The following TUT7 variants were observed in gnomAD, a reference collection of about 807,000 sequenced individuals.
TUT7 encodes terminal uridylyltransferase 7.
In TUT7, 33 loss-of-function variants were observed where a neutral mutation model predicts 165.9. That is an observed-to-expected ratio of 0.20 (90% CI 0.15 to 0.27). TUT7 has a LOEUF of 0.27. TUT7 is among the 10% of genes least tolerant of loss of function. TUT7 has a pLI of 1.00. For synonymous variants in TUT7, 552 were observed against 608.1 expected (o/e 0.91, Z 1.36); for missense variants, 1,338 against 1,762.3 (o/e 0.76, Z 4.31).
rs199527404 is a variant in TUT7, at chr9:86,323,826, T to G, written c.1924A>C (p.Lys642Gln). 46 of 1,614,080 alleles carry G rather than the reference T, an allele frequency of 2.8e-5. No homozygotes were observed. In the East Asian group the frequency reaches 9.8e-4, roughly 34 times the overall value. Reference sequence around the variant, plus strand: ...ATACATGTAATTGCATTCAGAGGCTTTAGAAGGCTGGATTTTGTAATTTTG... The same window carrying G: ...ATACATGTAATTGCATTCAGAGGCTGTAGAAGGCTGGATTTTGTAATTTTG... Reference protein sequence around the residue: ...PHKITKSSLLKPLNAITCISE... With the variant: ...PHKITKSSLLQPLNAITCISE... Residue 642 changes from lysine to glutamine, a missense_variant, in exon 13 of 27, where the codon AAG becomes CAG. Physicochemically the swap from Lys to Gln is moderately conservative, Grantham distance 53 (BLOSUM62 1). Coordinates refer to ENST00000375963, the MANE Select transcript of TUT7 (RefSeq NM_024617.4).
chr9:86,289,567 G>A (rs1297861329), intron 26 of TUT7, among the ~76,000 whole-genome samples: 1 of 152,020 alleles, frequency 6.6e-6, no homozygotes, highest in African/African-American at 2.4e-5. Flanking sequence ...GAAAGAGTGA[G>A]TAATCCTGTA....
chr9:86,303,034 T>G lies in TUT7; in HGVS notation c.4094+52A>C, dbSNP rs957518582. On this transcript the variant is annotated intron_variant, in intron 25 of 26. Transcript: ENST00000375963. Reference sequence around the variant, plus strand: ...TTATAATAGTACCTCATTTAAAAATTGGGACATTAAGAAAATAAAAACACA... The same window carrying G: ...TTATAATAGTACCTCATTTAAAAATGGGGACATTAAGAAAATAAAAACACA... 7.4e-6 allele frequency: 6 copies of G among 806,994 alleles called. No individual in the cohort carries two copies. In the South Asian group the frequency reaches 9.7e-5, roughly 13 times the overall value. The allele number at this position is 806,994 out of a possible 1,614,324, so 50.0% of individuals were successfully genotyped here. A position where few individuals can be genotyped will look rare whatever the true frequency, so the allele number is the denominator to read the frequency against.
Position 86,343,027 on chromosome 9 carries a change from G to C in TUT7, c.1086+48C>G, listed in dbSNP as rs1831450122. 4 of 1,224,522 alleles carry C rather than the reference G, an allele frequency of 3.3e-6. No individual in the cohort carries two copies. In the East Asian group the frequency reaches 9.6e-5, roughly 29 times the overall value. The allele number at this position is 1,224,522 out of a possible 1,614,324, so 75.9% of individuals were successfully genotyped here. A position where few individuals can be genotyped will look rare whatever the true frequency, so the allele number is the denominator to read the frequency against. ...ATAGACAGTTTACATTTGTAAGAAA[G>C]AATTTCCATACCACTCTGAAAGTGC... On this transcript the variant is annotated intron_variant, in intron 6 of 26. Transcript: ENST00000375963.
chr9:86,290,157 G>T (rs753123566), intron 26 of TUT7, among the ~76,000 whole-genome samples: 17 of 152,100 alleles, frequency 1.1e-4, no homozygotes, highest in Non-Finnish European at 1.6e-4. Flanking sequence ...CTTGGTACTA[G>T]AAAATGCTTA....
intron 6 of TUT7, among the ~76,000 whole-genome samples, chr9:86,342,062 T>C (rs1334766023): frequency 6.6e-6 from 1 of 152,122 alleles, no homozygotes; most frequent in Non-Finnish European, 1.5e-5. Context: ...TGATCAGAAT[T>C]TAAGGTTAAA....
chr9:86,326,371 C>A (rs1829799438), intron 11 of TUT7: 1 of 154,764 alleles, frequency 6.5e-6, no homozygotes, highest in Admixed American at 6.5e-5. Context: ...CAGTACCCAC[C>A]TCATAGGGTT....
chr9:86,338,426 T>C (rs1831023928), intron 9 of TUT7, among the ~76,000 whole-genome samples: 1 of 152,168 alleles, frequency 6.6e-6, no homozygotes, highest in Non-Finnish European at 1.5e-5. Flanking sequence ...TATGGAAATG[T>C]AAACAAGATC....
intron 10 of TUT7, 127 bp from the exon 11 acceptor site, chr9:86,328,619 A>G (rs189918033): frequency 4.4e-6 from 3 of 678,760 alleles, no homozygotes; most frequent in Non-Finnish European, 6.7e-6. Flanking sequence ...TTTATGGACT[A>G]TCACAGAGAC....
chr9:86,323,587 A>T lies in TUT7; in HGVS notation c.2163T>A (p.Pro721=). The T allele has an allele frequency of 6.2e-7, 1 of 1,614,198 alleles. No homozygotes were observed. The highest frequency in any genetic ancestry group is 8.5e-7 in the Non-Finnish European group (1 of 1,180,028). The part of the protein sequence containing the change: ...EMGNEHISVH[P]ENSDCIQADV... ...CTGCTTGGATACAGTCTGAGTTTTC[A>T]GGGTGGACACTGATGTGTTCATTTC... The change falls in exon 13 of 27, where the codon CCT becomes CCA. Residue 721 remains proline, a synonymous_variant. Transcript: ENST00000375963.
At chr9:86,338,036 A>T (rs1012520362) in intron 9 of TUT7, among the ~76,000 whole-genome samples, 17 of 152,210 alleles carry the variant, frequency 1.1e-4, no homozygotes, top group Admixed American at 1.3e-4. Context: ...CTACTTAGTG[A>T]TGAAGCAGGC....
At chr9:86,302,904 C>T (rs948534114) in intron 25 of TUT7, among the ~76,000 whole-genome samples, 182 bp downstream of exon 25, 13 of 152,080 alleles carry the variant, frequency 8.5e-5, no homozygotes, top group African/African-American at 2.2e-4. Flanking sequence ...CCACTGCACC[C>T]GGCCTAAAGT....
At chr9:86,295,712 G>A (rs1826252211) in intron 26 of TUT7, among the ~76,000 whole-genome samples, 1 of 151,988 alleles carries the variant, frequency 6.6e-6, no homozygotes, top group Non-Finnish European at 1.5e-5. Flanking sequence ...TTAAAATTCT[G>A]GTCAATGATA....
intron 1 of TUT7, among the ~76,000 whole-genome samples, 158 bp downstream of exon 1, chr9:86,354,113 G>A (rs1832541309): frequency 6.6e-6 from 1 of 152,212 alleles, no homozygotes; most frequent in Non-Finnish European, 1.5e-5. Flanking sequence ...GGGGGCCAGA[G>A]CCGAATGTCT....
chr9:86,344,757 A>T (rs542535026), intron 5 of TUT7: 73 of 504,064 alleles, frequency 1.4e-4, no homozygotes, highest in Non-Finnish European at 2.4e-4. Flanking sequence ...GTTCACACAC[A>T]GGGTAAAATT....
chr9:86,302,904 C>G (rs948534114), intron 25 of TUT7, among the ~76,000 whole-genome samples, 182 bp downstream of exon 25: 1 of 152,080 alleles, frequency 6.6e-6, no homozygotes, highest in African/African-American at 2.4e-5. Context: ...CCACTGCACC[C>G]GGCCTAAAGT....
At chr9:86,324,190 G>C (rs570925985) in intron 12 of TUT7, among the ~76,000 whole-genome samples, 1 of 152,296 alleles carries the variant, frequency 6.6e-6, no homozygotes, top group African/African-American at 2.4e-5. Flanking sequence ...AACCCATTCT[G>C]TTCAGAACCA....
At position 86,301,409 on chromosome 9, in the gene TUT7, C is replaced by T. The variant is rs1826880884; in HGVS notation, c.4287G>A (p.Arg1429=). 4 of 1,614,012 alleles carry T rather than the reference C, an allele frequency of 2.5e-6. No homozygotes were observed. The South Asian group carries it at 3.3e-5, about 13-fold the overall frequency. ...CTACTGGTGGCCTGAGGATCTTCTC[C>T]CTCCCCAGGTCAGCAGCTGCCCGCA... ...KPMRAAADLG[R]EKILRPPVEK... The change falls in exon 26 of 27, where the codon AGG becomes AGA. Residue 1429 remains arginine, a synonymous_variant. Coordinates refer to ENST00000375963, the MANE Select transcript of TUT7 (RefSeq NM_024617.4).
In TUT7 at chr9:86,311,580, C is replaced by G. The variant is rs942164956; in HGVS notation, c.3275-771G>C. ...TATCCTTAGTCCTCTCCCTCTCCCT[C>G]TCCCCTCTTCCCTCTCCCCTCTCCC... On this transcript the variant is annotated intron_variant, in intron 17 of 26. Transcript: ENST00000375963. The surrounding 1 kb of genome is among the most constrained non-coding windows in gnomAD (Gnocchi z 4.4). 7.3e-6 allele frequency among the ~76,000 whole-genome samples: 1 copy of G among 137,494 alleles called. No homozygotes were observed. The highest frequency in any genetic ancestry group is 1.6e-5 in the Non-Finnish European group (1 of 62,920). The allele number at this position is 137,494 out of a possible 152,430, so 90.2% of individuals were successfully genotyped here. A position where few individuals can be genotyped will look rare whatever the true frequency, so the allele number is the denominator to read the frequency against.
chr9:86,304,910 T>C lies in TUT7; in HGVS notation c.3924A>G (p.Arg1308=). The change falls in exon 24 of 27, where the codon AGA becomes AGG. Residue 1308 remains arginine, a synonymous_variant. Coordinates refer to ENST00000375963, the MANE Select transcript of TUT7 (RefSeq NM_024617.4). ...CCTTGACAGGAATACCAAATACTCT[T>C]CTACCATTGATAAAAGCCTTCATTA... The part of the protein sequence containing the change: ...NFIMKAFING[R]RVFGIPVKGF... 1.2e-6 allele frequency: 2 copies of C among 1,611,822 alleles called. No homozygotes were observed. Among genetic ancestry groups the C allele is most frequent in the Middle Eastern group, 1.7e-4 (1 of 5,970 alleles).
Sources: gnomAD v4.1 joint callset for allele counts (sites outside exome capture counted in the v4.1 genomes callset) on GRCh38, gnomAD v4.1.1 for gene constraint, Gnocchi (gnomAD v3.1) non-coding constraint, MANE v1.5 for transcripts, NCBI Gene and HGNC (gene_info 2026-07-23, HGNC 2026-07-21) for gene names.